The following MEIS2 variants were observed in gnomAD, a reference collection of about 807,000 sequenced individuals.
MEIS2 encodes the protein homeobox protein Meis2.
In MEIS2, 9 loss-of-function variants were observed where a neutral mutation model predicts 58.6. The ratio of observed to expected loss-of-function variants is 0.15; its 90% confidence interval spans 0.09 to 0.27. The LOEUF (loss-of-function observed/expected upper bound fraction) is 0.27. Among genes scored for constraint, MEIS2 ranks in the 10% least tolerant of loss-of-function variants. The pLI is 1.00. For synonymous variants in MEIS2, 221 were observed against 228.4 expected, an observed-to-expected ratio of 0.97 and a Z score of 0.29; for missense variants, 427 against 635.0, an observed-to-expected ratio of 0.67 and a Z score of 3.52.
intron 1 of MEIS2, 133 bp downstream of exon 1, chr15:37,099,322 A>AT (rs371029057): frequency 5.1e-6 from 8 of 1,557,460 alleles, no homozygotes; most frequent in Non-Finnish European, 7.0e-6. Context: ...TAATTTTGCT[A>AT]TTTTTTAAAA....
intron 4 of MEIS2, 95 bp downstream of exon 4, chr15:37,095,469 C>G (rs1225579113): frequency 1.3e-6 from 2 of 1,581,116 alleles, no homozygotes; most frequent in East Asian, 2.2e-5. Flanking sequence ...AAAGAGGGTT[C>G]TGTTCTAACT....
intron 9 of MEIS2, among the ~76,000 whole-genome samples, chr15:36,929,337 C>A (rs1424314614): frequency 6.6e-6 from 1 of 152,174 alleles, no homozygotes; most frequent in Non-Finnish European, 1.5e-5. Context: ...TCAGCTCTGG[C>A]CAAGGCAGTC....
At chr15:37,009,283 C>T (rs886353098) in intron 8 of MEIS2, among the ~76,000 whole-genome samples, 4 of 151,126 alleles carry the variant, frequency 2.6e-5, no homozygotes, top group Non-Finnish European at 4.4e-5. Context: ...AGCGAGACTC[C>T]GTCTCAAAAA....
chr15:37,036,764 C>T (rs746313905), intron 8 of MEIS2, 50 bp downstream of exon 8: 4 of 1,584,354 alleles, frequency 2.5e-6, no homozygotes, highest in Middle Eastern at 1.7e-4. Flanking sequence ...GTATAACTTG[C>T]TAGCAAAACA....
At chr15:36,969,707 G>A (rs2059469181) in intron 8 of MEIS2, among the ~76,000 whole-genome samples, 1 of 152,180 alleles carries the variant, frequency 6.6e-6, no homozygotes, top group Non-Finnish European at 1.5e-5. Context: ...ACAGGAGGAA[G>A]CACTAATACA....
intron 8 of MEIS2, among the ~76,000 whole-genome samples, chr15:37,006,405 T>C: frequency 6.6e-6 from 1 of 152,266 alleles, no homozygotes; most frequent in East Asian, 1.9e-4. Context: ...ATTTCTATTA[T>C]CTGGAGAAAT....
Position 37,100,342 on chromosome 15 carries a change from G to A in MEIS2, c.-876C>T, listed in dbSNP as rs1894948867. On this transcript the variant is annotated 5_prime_UTR_variant, in exon 1 of 12. Coordinates refer to ENST00000561208, the MANE Select transcript of MEIS2 (RefSeq NM_170675.5). ...CTTTCTCTCTCTGGGAGATGAGTGA[G>A]TGTCAGTAGGTGTTGGCAGGTTGGC... The A allele has an allele frequency of 6.6e-6, 1 of 152,404 alleles. No individual in the cohort carries two copies. Among genetic ancestry groups the A allele is most frequent in the African/African-American group, 2.4e-5 (1 of 41,336 alleles). The allele number at this position is 152,404 out of a possible 1,614,324, so 9.4% of individuals were successfully genotyped here. A position where few individuals can be genotyped will look rare whatever the true frequency, so the allele number is the denominator to read the frequency against.
rs941788517 is a variant in MEIS2 at position 36,895,277 on chromosome 15, C to G, written c.1037-16G>C. 1.2e-6 allele frequency: 2 copies of G among 1,604,034 alleles called. No homozygotes were observed. Among genetic ancestry groups the G allele is most frequent in the East Asian group, 2.2e-5 (1 of 44,818 alleles). On this transcript the variant is annotated splice_polypyrimidine_tract_variant and intron_variant, in intron 10 of 11. Coordinates refer to ENST00000561208, the MANE Select transcript of MEIS2 (RefSeq NM_170675.5). ...AGAAGAAAACCTGATTGTGGTCATTCGAGGACACAGAGGAGAAAGAAGAAA... is the reference window on the plus strand; with the variant it reads ...AGAAGAAAACCTGATTGTGGTCATTGGAGGACACAGAGGAGAAAGAAGAAA...
At chr15:36,923,474 C>G (rs1050494220) in intron 9 of MEIS2, among the ~76,000 whole-genome samples, 29 of 152,136 alleles carry the variant, frequency 1.9e-4, no homozygotes, top group Admixed American at 1.4e-3. Context: ...CAGGAAAAGT[C>G]AAGCTATCCC....
chr15:36,930,931 C>G (rs1036113316), intron 9 of MEIS2, among the ~76,000 whole-genome samples: 1 of 151,954 alleles, frequency 6.6e-6, no homozygotes, highest in Non-Finnish European at 1.5e-5. Context: ...CCACGTAGTT[C>G]GAAAGTTGCC....
chr15:37,077,285 T>C (rs1567266035), intron 7 of MEIS2, among the ~76,000 whole-genome samples: 1 of 152,074 alleles, frequency 6.6e-6, no homozygotes, highest in Non-Finnish European at 1.5e-5. Flanking sequence ...AATGGCACTG[T>C]AAACTCATCC....
At chr15:36,921,931 C>A (rs1258270358) in intron 9 of MEIS2, among the ~76,000 whole-genome samples, 2 of 152,222 alleles carry the variant, frequency 1.3e-5, no homozygotes, top group Non-Finnish European at 2.9e-5. Context: ...TGGGAAATCT[C>A]ACCCTCCAAG....
chr15:36,965,660 G>A (rs534492328), intron 8 of MEIS2, among the ~76,000 whole-genome samples: 7 of 152,280 alleles, frequency 4.6e-5, no homozygotes, highest in African/African-American at 1.7e-4. Context: ...TAAGCTTCTT[G>A]AAGAAACTTG....
intron 8 of MEIS2, among the ~76,000 whole-genome samples, chr15:36,953,758 T>C (rs151222675): frequency 6.0e-4 from 91 of 152,348 alleles, no homozygotes; most frequent in African/African-American, 2.0e-3. Context: ...AGAAAATGTA[T>C]TGTAATTACC....
At chr15:36,948,992 T>C (rs907109651) in intron 9 of MEIS2, among the ~76,000 whole-genome samples, 5 of 152,008 alleles carry the variant, frequency 3.3e-5, no homozygotes, top group Admixed American at 3.3e-4. Context: ...AGTTTATTTC[T>C]GCATTAATCA....
At chr15:36,945,501 C>T (rs544403220) in intron 9 of MEIS2, among the ~76,000 whole-genome samples, 80 of 152,184 alleles carry the variant, frequency 5.3e-4, no homozygotes, top group Non-Finnish European at 8.8e-4. Context: ...GTTAATGAGC[C>T]TTCCTGAAGG....
intron 8 of MEIS2, among the ~76,000 whole-genome samples, chr15:36,978,045 A>T (rs1331028112): frequency 6.6e-6 from 1 of 152,240 alleles, no homozygotes; most frequent in Non-Finnish European, 1.5e-5. Flanking sequence ...ACAAGTTTTG[A>T]TAAGCAGTTA....
At chr15:36,962,200 C>T (rs1387920929) in intron 8 of MEIS2, among the ~76,000 whole-genome samples, 1 of 152,138 alleles carries the variant, frequency 6.6e-6, no homozygotes, top group African/African-American at 2.4e-5. Flanking sequence ...TTTCTGATGC[C>T]TGGTATGTTG....
chr15:37,061,938 T>A (rs1007067565), intron 7 of MEIS2, among the ~76,000 whole-genome samples: 4 of 152,168 alleles, frequency 2.6e-5, no homozygotes, highest in Non-Finnish European at 1.5e-5. Context: ...ATTAATATAA[T>A]TTAAAAATTT....
Sources: allele counts gnomAD v4.1 joint callset (sites outside exome capture counted in the v4.1 genomes callset), GRCh38; gene constraint gnomAD v4.1.1; transcripts MANE v1.5; gene names NCBI Gene and HGNC (gene_info 2026-07-23, HGNC 2026-07-21).